PSME4: variants seen among roughly 807,000 people sequenced by gnomAD.
The protein encoded by PSME4 is proteasome activator subunit 4.
PSME4 carries 89 observed loss-of-function variants against 253.9 expected under a neutral mutation model. The ratio of observed to expected loss-of-function variants is 0.35; its 90% CI spans 0.30 to 0.42. The LOEUF (loss-of-function observed/expected upper bound fraction) is 0.42. PSME4 is among the 10% of genes least tolerant of loss of function. PSME4 has a pLI of 1.00. For synonymous variants in PSME4, 851 were observed against 759.2 expected (o/e 1.12, Z -1.99); for missense variants, 2,014 against 2,195.2 (o/e 0.92, Z 1.65).
chr2:53,928,565 C>T (rs1055068292), intron 10 of PSME4, among the ~76,000 whole-genome samples: 1 of 152,178 alleles, frequency 6.6e-6, no homozygotes, highest in African/African-American at 2.4e-5. Context: ...TTCTATTACA[C>T]TGAACAATAT....
At chr2:53,910,015 C>A in intron 21 of PSME4, 60 bp downstream of exon 21, 1 of 1,306,440 alleles carries the variant, frequency 7.7e-7, no homozygotes. Context: ...CATTTTAGTC[C>A]TTGTGGAGTT....
chr2:53,921,216 T>C, intron 17 of PSME4, 112 bp from the exon 18 acceptor site: 4 of 1,467,208 alleles, frequency 2.7e-6, no homozygotes, highest in Middle Eastern at 2.4e-4. Context: ...TAAATGACTT[T>C]AATTAATTTT....
At chr2:53,947,120 C>A (rs949485661) in intron 3 of PSME4, among the ~76,000 whole-genome samples, 1 of 152,046 alleles carries the variant, frequency 6.6e-6, no homozygotes, top group Non-Finnish European at 1.5e-5. Context: ...CAAAACTGTC[C>A]AAAAACCAAT....
rs1380690812 is a variant in PSME4, at chr2:53,920,178, T to C, written c.2420+15A>G. 2 of 1,583,380 alleles carry C rather than the reference T, an allele frequency of 1.3e-6. No individual in the cohort carries two copies. The highest frequency in any genetic ancestry group is 3.6e-5 in the Admixed American group (2 of 54,906). ...GTCTGCAACTGAATAACTCTAATTA[T>C]AAAATAAAACCAACCTAGACATTTC... On this transcript the variant is annotated intron_variant, in intron 19 of 46. Transcript: ENST00000404125.
chr2:53,887,542 C>A, intron 39 of PSME4, 75 bp from the exon 40 acceptor site: 1 of 1,323,614 alleles, frequency 7.6e-7, no homozygotes, highest in Non-Finnish European at 1.0e-6. Flanking sequence ...AGTTATGACC[C>A]AATCAAAGTA....
At chr2:53,930,135 A>G (rs534368522) in intron 10 of PSME4, among the ~76,000 whole-genome samples, 5 of 152,264 alleles carry the variant, frequency 3.3e-5, no homozygotes, top group Admixed American at 2.0e-4. Context: ...TGTATTGTCA[A>G]TTTGGTCTAT....
intron 1 of PSME4, among the ~76,000 whole-genome samples, chr2:53,955,391 G>A (rs1167623846): frequency 1.3e-5 from 2 of 152,130 alleles, no homozygotes; most frequent in Non-Finnish European, 2.9e-5. Context: ...ATTTTTTAAA[G>A]CTCATCAGCT....
At chr2:53,943,359 T>C (rs114072069) in intron 3 of PSME4, among the ~76,000 whole-genome samples, 2,768 of 152,314 alleles carry the variant, frequency 0.018, 72 homozygotes, top group African/African-American at 0.063. Context: ...TGCCAGGCAC[T>C]TCATCTAGAA....
chr2:53,906,968 G>C lies in PSME4; in HGVS notation c.2785-100C>G, dbSNP rs761166344. On this transcript the variant is annotated intron_variant, in intron 24 of 46. Coordinates refer to ENST00000404125, the MANE Select transcript of PSME4 (RefSeq NM_014614.3). ...TTAATAAGTGGTCAAAAAGGTCCCT[G>C]GTTGACTGGTGAGTGGTGGTGGTAT... The C allele has an allele frequency of 8.1e-6, 8 of 992,396 alleles. No individual in the cohort carries two copies. In the East Asian group the frequency reaches 1.4e-4, roughly 18 times the overall value. The allele number at this position is 992,396 out of a possible 1,614,324, so 61.5% of individuals were successfully genotyped here.
At chr2:53,923,913 C>CAAAAAAAAAAAAAAAAAAAAAAAAAAAA in intron 14 of PSME4, among the ~76,000 whole-genome samples, 1 of 96,878 alleles carries the variant, frequency 1.0e-5, no homozygotes, top group Non-Finnish European at 2.0e-5. Flanking sequence ...ACAGAGTTAA[C>CAAAAAAAAAAAAAAAAAAAAAAAAAAAA]AAAAAAAAAA....
chr2:53,885,641 C>T (rs1230897990), intron 41 of PSME4, 49 bp downstream of exon 41: 1 of 1,391,094 alleles, frequency 7.2e-7, no homozygotes, highest in Non-Finnish European at 1.0e-6. Context: ...ACACAAATTC[C>T]TTATGAAGGT....
At position 53,948,656 on chromosome 2, in the gene PSME4, C is replaced by A. The variant is rs1191249413; in HGVS notation, c.384-119G>T. 13 of 693,150 alleles carry A rather than the reference C, an allele frequency of 1.9e-5. No homozygotes were observed. In the East Asian group the frequency reaches 2.7e-4, roughly 15 times the overall value. The allele number at this position is 693,150 out of a possible 1,614,324, so 42.9% of individuals were successfully genotyped here. ...GCTCATCACCATGGGTTTTGCTTTC[C>A]CCATCCATGGCCACTCACTAGCAGA... On this transcript the variant is annotated intron_variant, in intron 2 of 46. Coordinates refer to ENST00000404125, the MANE Select transcript of PSME4 (RefSeq NM_014614.3).
chr2:53,884,247 T>A (rs1452891837), intron 41 of PSME4, among the ~76,000 whole-genome samples: 1 of 152,190 alleles, frequency 6.6e-6, no homozygotes, highest in African/African-American at 2.4e-5. Flanking sequence ...AGTCTTGCTC[T>A]GTTGCCAGGC....
At chr2:53,924,432 C>T (rs1668466236) in intron 14 of PSME4, among the ~76,000 whole-genome samples, 1 of 152,116 alleles carries the variant, frequency 6.6e-6, no homozygotes, top group South Asian at 2.1e-4. Flanking sequence ...ATAGGTACCA[C>T]ATTACAAATA....
intron 1 of PSME4, among the ~76,000 whole-genome samples, chr2:53,960,058 C>T (rs1032116928): frequency 5.3e-5 from 8 of 152,174 alleles, no homozygotes; most frequent in African/African-American, 1.9e-4. Context: ...AAGTTATACC[C>T]TGAAGAGGCA....
intron 27 of PSME4, among the ~76,000 whole-genome samples, chr2:53,902,050 C>A (rs548190954): frequency 1.3e-5 from 2 of 152,112 alleles, no homozygotes; most frequent in Admixed American, 6.5e-5. Flanking sequence ...TTAGGTGACA[C>A]AGCAGGACCC....
chr2:53,924,382 CAG>C (rs1424163690), intron 14 of PSME4, among the ~76,000 whole-genome samples: 1 of 152,058 alleles, frequency 6.6e-6, no homozygotes, highest in African/African-American at 2.4e-5. Flanking sequence ...GGAGAAGAAA[CAG>C]AAATGAAAAT....
At chr2:53,922,910 T>G in intron 16 of PSME4, 139 bp downstream of exon 16, 3 of 724,076 alleles carry the variant, frequency 4.1e-6, no homozygotes, top group Non-Finnish European at 6.4e-6. Flanking sequence ...TGATATCTTT[T>G]TTGGAGACAA....
chr2:53,944,346 AT>A lies in PSME4; in HGVS notation c.500+4074del, dbSNP rs755364564. ...GCTAATTTTTGTGTTTTTAGTAGAG[AT>A]GGGGGTTTCACCATGTTGGCCAGGC... On this transcript the variant is annotated intron_variant, in intron 3 of 46. Coordinates refer to ENST00000404125, the MANE Select transcript of PSME4 (RefSeq NM_014614.3). Among the ~76,000 whole-genome samples the A allele has an allele frequency of 1.5e-3, 231 of 152,164 alleles. 1 individual carries two copies. The highest frequency in any genetic ancestry group is 5.4e-3 in the African/African-American group (223 of 41,510).
Sources: gnomAD v4.1 joint callset for allele counts (sites outside exome capture counted in the v4.1 genomes callset) on GRCh38, gnomAD v4.1.1 for gene constraint, MANE v1.5 for transcripts, NCBI Gene and HGNC (gene_info 2026-07-23, HGNC 2026-07-21) for gene names.